The following RAB3GAP2 variants were observed in gnomAD, a reference collection of about 807,000 sequenced individuals.
RAB3GAP2 encodes RAB3 GTPase activating non-catalytic protein subunit 2.
Under a neutral mutation model 185.3 loss-of-function variants are expected in RAB3GAP2, and 87 were observed. That is an observed-to-expected ratio of 0.47 (90% CI 0.39 to 0.56). RAB3GAP2 has a LOEUF of 0.56. Among genes scored for constraint, RAB3GAP2 ranks in the 20% least tolerant of loss-of-function variants. The pLI, the probability that RAB3GAP2 is intolerant of heterozygous loss-of-function variation, is 0.00. For missense variants in RAB3GAP2, 1,492 were observed against 1,638.2 expected, an observed-to-expected ratio of 0.91 and a Z score of 1.54; for synonymous variants, 554 against 576.1, an observed-to-expected ratio of 0.96 and a Z score of 0.55.
At chr1:220,180,181 A>C (rs554214982) in intron 21 of RAB3GAP2, among the ~76,000 whole-genome samples, 60 of 152,212 alleles carry the variant, frequency 3.9e-4, no homozygotes, top group African/African-American at 1.4e-3. Flanking sequence ...AAAAGAGGGA[A>C]GTCTATAGTA....
chr1:220,252,301 A>G (rs1180858792), intron 1 of RAB3GAP2, among the ~76,000 whole-genome samples: 1 of 152,080 alleles, frequency 6.6e-6, no homozygotes, highest in African/African-American at 2.4e-5. Flanking sequence ...TATAAAAATG[A>G]GATCACAATA....
intron 18 of RAB3GAP2, among the ~76,000 whole-genome samples, chr1:220,185,038 T>C (rs1455948165): frequency 6.6e-6 from 1 of 152,140 alleles, no homozygotes; most frequent in Non-Finnish European, 1.5e-5. Context: ...ATAATTAATA[T>C]GACAAACAAA....
intron 2 of RAB3GAP2, among the ~76,000 whole-genome samples, chr1:220,218,090 C>A (rs1659230724): frequency 6.6e-6 from 1 of 152,146 alleles, no homozygotes; most frequent in Non-Finnish European, 1.5e-5. Flanking sequence ...CCTGCTTAGC[C>A]ATCTTATACA....
chr1:220,169,648 C>T (rs748454847), intron 24 of RAB3GAP2, among the ~76,000 whole-genome samples: 5 of 152,124 alleles, frequency 3.3e-5, no homozygotes, highest in Non-Finnish European at 7.4e-5. Context: ...CAGTTGGATT[C>T]AAAGTCAAAA....
At chr1:220,240,268 T>C (rs1571923045) in intron 1 of RAB3GAP2, among the ~76,000 whole-genome samples, 1 of 152,308 alleles carries the variant, frequency 6.6e-6, no homozygotes, top group East Asian at 1.9e-4. Context: ...GTTCCAGCAA[T>C]AAGGAAAATA....
At chr1:220,210,286 C>T in intron 7 of RAB3GAP2, 102 bp downstream of exon 7, 1 of 875,088 alleles carries the variant, frequency 1.1e-6, no homozygotes, top group South Asian at 1.3e-5. Context: ...CTAACTGTGC[C>T]ACAAGACAAA....
intron 1 of RAB3GAP2, among the ~76,000 whole-genome samples, chr1:220,248,254 C>T (rs2102519506): frequency 6.6e-6 from 1 of 152,140 alleles, no homozygotes; most frequent in East Asian, 1.9e-4. Context: ...TAAAAGTTTT[C>T]AGTTACAAGA....
intron 26 of RAB3GAP2, 87 bp from the exon 27 acceptor site, chr1:220,164,886 AT>A: frequency 3.8e-6 from 5 of 1,305,716 alleles, no homozygotes; most frequent in Admixed American, 2.0e-5. Context: ...TCTTACATAA[AT>A]TTCTGCATAA....
At chr1:220,243,189 C>A (rs543462554) in intron 1 of RAB3GAP2, among the ~76,000 whole-genome samples, 10 of 152,072 alleles carry the variant, frequency 6.6e-5, no homozygotes, top group African/African-American at 2.4e-4. Context: ...CCCATCTCTA[C>A]TAAAAATACA....
chr1:220,213,711 G>T (rs1571904268), intron 3 of RAB3GAP2, 145 bp downstream of exon 3: 1 of 736,668 alleles, frequency 1.4e-6, no homozygotes, highest in Non-Finnish European at 2.1e-6. Context: ...GAGGGAGGGA[G>T]GGAGGGGGCG....
chr1:220,232,691 T>G, intron 2 of RAB3GAP2, 108 bp downstream of exon 2: 1 of 1,037,544 alleles, frequency 9.6e-7, no homozygotes, highest in Non-Finnish European at 1.5e-6. Context: ...CACAAAAATA[T>G]TCTTGACATC....
At chr1:220,235,717 G>A (rs1301085525) in intron 1 of RAB3GAP2, among the ~76,000 whole-genome samples, 1 of 152,134 alleles carries the variant, frequency 6.6e-6, no homozygotes, top group Non-Finnish European at 1.5e-5. Flanking sequence ...GGTATAAAAA[G>A]TACCTGACTC....
intron 9 of RAB3GAP2, among the ~76,000 whole-genome samples, chr1:220,201,649 A>C (rs988690719): frequency 2.6e-5 from 4 of 151,910 alleles, no homozygotes; most frequent in Admixed American, 1.3e-4. Context: ...ACAGGTGTGC[A>C]CCACCACACC....
intron 8 of RAB3GAP2, among the ~76,000 whole-genome samples, chr1:220,205,526 G>C (rs999713758): frequency 2.0e-5 from 3 of 152,138 alleles, no homozygotes; most frequent in Admixed American, 2.0e-4. Flanking sequence ...TGCTGATCTA[G>C]TGAAAATCTG....
rs1329963989 is a variant in RAB3GAP2 at position 220,153,937 on chromosome 1, AC to A, written c.3645+30del. 5 of 1,609,848 alleles carry A rather than the reference AC, an allele frequency of 3.1e-6. No individual in the cohort carries two copies. The African/African-American group carries it at 6.7e-5, about 22-fold the overall frequency. On this transcript the variant is annotated intron_variant, in intron 32 of 34. Coordinates refer to ENST00000358951, the MANE Select transcript of RAB3GAP2 (RefSeq NM_012414.4). ...TCCCTTATGTTTTTTTTTCCAAGAAACAAAAACAAAATCCAATAGCTATAAT... is the reference window on the plus strand; with the variant it reads ...TCCCTTATGTTTTTTTTTCCAAGAAAAAAAACAAAATCCAATAGCTATAAT...
intron 1 of RAB3GAP2, among the ~76,000 whole-genome samples, chr1:220,255,576 G>C (rs1430105271): frequency 6.6e-6 from 1 of 152,236 alleles, no homozygotes; most frequent in Non-Finnish European, 1.5e-5. Flanking sequence ...CCAGTTTAGA[G>C]AGGAAGGTAA....
intron 13 of RAB3GAP2, among the ~76,000 whole-genome samples, chr1:220,192,012 C>G (rs1363140494): frequency 6.6e-6 from 1 of 152,022 alleles, no homozygotes; most frequent in Non-Finnish European, 1.5e-5. Context: ...TGGTCCCTCA[C>G]ATAGGCAATT....
chr1:220,264,863 C>T (rs1236569340), intron 1 of RAB3GAP2, among the ~76,000 whole-genome samples: 1 of 152,132 alleles, frequency 6.6e-6, no homozygotes, highest in Non-Finnish European at 1.5e-5. Context: ...CATAGCATAA[C>T]ACCTCTAACA....
chr1:220,188,466 G>A (rs1165965690), intron 17 of RAB3GAP2, among the ~76,000 whole-genome samples: 1 of 152,146 alleles, frequency 6.6e-6, no homozygotes, highest in African/African-American at 2.4e-5. Context: ...GGTTTGGATA[G>A]GAGGAGTGGG....
Sources: allele counts gnomAD v4.1 joint callset (sites outside exome capture counted in the v4.1 genomes callset), GRCh38; gene constraint gnomAD v4.1.1; transcripts MANE v1.5; gene names NCBI Gene and HGNC (gene_info 2026-07-23, HGNC 2026-07-21).